The following ANK3 variants were observed in gnomAD, a reference collection of about 807,000 sequenced individuals.
ANK3 encodes the protein ankyrin-3.
In ANK3, 57 loss-of-function variants were observed where a neutral mutation model predicts 370.9. The ratio of observed to expected loss-of-function variants is 0.15; its 90% CI spans 0.12 to 0.19. The LOEUF (loss-of-function observed/expected upper bound fraction) is 0.19. Ranked by LOEUF, ANK3 falls within the 10% of genes least tolerant of loss-of-function variation. ANK3 has a pLI of 1.00. For synonymous variants in ANK3, 1,929 were observed against 1,946.3 expected (o/e 0.99, Z 0.23); for missense variants, 4,439 against 5,302.1 (o/e 0.84, Z 5.06).
At chr10:60,307,989 C>T (rs940914346) in intron 1 of ANK3, among the ~76,000 whole-genome samples, 10 of 152,166 alleles carry the variant, frequency 6.6e-5, no homozygotes, top group African/African-American at 2.2e-4. Flanking sequence ...CTTGTAGTAA[C>T]AAAATGTGCC....
chr10:60,311,957 T>C (rs143056067), intron 1 of ANK3, among the ~76,000 whole-genome samples: 1 of 152,332 alleles, frequency 6.6e-6, no homozygotes, highest in African/African-American at 2.4e-5. Context: ...TCCAGCCCTG[T>C]AGAATTTTAG....
At chr10:60,644,253 A>C (rs1158433152) in intron 1 of ANK3, among the ~76,000 whole-genome samples, 1 of 152,222 alleles carries the variant, frequency 6.6e-6, no homozygotes, top group Non-Finnish European at 1.5e-5. Flanking sequence ...AAGTGCCCAG[A>C]GAAAATAAGG....
At chr10:60,658,573 C>T (rs143388047) in intron 1 of ANK3, among the ~76,000 whole-genome samples, 10 of 152,096 alleles carry the variant, frequency 6.6e-5, no homozygotes, top group East Asian at 5.8e-4. Context: ...TTGTTTTAAG[C>T]GATTATAGCT....
chr10:60,684,248 G>C (rs960926816), intron 1 of ANK3, among the ~76,000 whole-genome samples: 3 of 152,218 alleles, frequency 2.0e-5, no homozygotes, highest in African/African-American at 4.8e-5. Context: ...GGTCTGTTGC[G>C]TGGAGCTGCC....
chr10:60,291,780 G>A (rs927531900), intron 1 of ANK3, among the ~76,000 whole-genome samples: 2 of 151,846 alleles, frequency 1.3e-5, no homozygotes, highest in Non-Finnish European at 2.9e-5. Flanking sequence ...CACCCAGGCT[G>A]GAGCTCACTG....
intron 2 of ANK3, among the ~76,000 whole-genome samples, chr10:60,580,805 G>C (rs934341740): frequency 1.3e-5 from 2 of 152,096 alleles, no homozygotes; most frequent in African/African-American, 4.8e-5. Context: ...CAGGGAATCT[G>C]GTCTAGCCCA....
Position 60,076,062 on chromosome 10 carries a change from C to G in ANK3, c.4819G>C (p.Glu1607Gln). 6.2e-7 allele frequency: 1 copy of G among 1,614,196 alleles called. No homozygotes were observed. Among genetic ancestry groups the G allele is most frequent in the Non-Finnish European group, 8.5e-7 (1 of 1,180,008 alleles). ...GCCAGCCCTTTTAAGGGCGTAGCTT[C>G]CGTGACTGCTGGAGCTCTAGCCAGG... is the stretch of plus-strand genomic sequence containing the variant. Reference protein sequence around the residue: ...GTLARAPAVTEATPLKGLASN... With the variant: ...GTLARAPAVTQATPLKGLASN... Residue 1607 changes from glutamate to glutamine, a missense_variant, in exon 37 of 44, where the codon GAA (glutamate) becomes CAA (glutamine). By Grantham distance (29) the Glu-to-Gln change is conservative. Around this residue, in one of 13 missense-constraint regions of ANK3, gnomAD observed 679 missense variants for 791.0 expected, o/e 0.86. Coordinates refer to ENST00000280772, the MANE Select transcript of ANK3 (RefSeq NM_020987.5).
chr10:60,460,085 C>T (rs1390343840), intron 2 of ANK3, among the ~76,000 whole-genome samples: 1 of 91,384 alleles, frequency 1.1e-5, no homozygotes, highest in African/African-American at 4.0e-5. Context: ...GCCTAGAACA[C>T]ACCACCAATT....
At chr10:60,572,633 G>C in intron 2 of ANK3, 2 of 1,480,566 alleles carry the variant, frequency 1.4e-6, no homozygotes, top group Non-Finnish European at 1.8e-6. Flanking sequence ...GTCCATTTAC[G>C]GGTGCTCCCC....
chr10:60,096,097 C>T (rs1435735579), intron 28 of ANK3, among the ~76,000 whole-genome samples: 3 of 152,062 alleles, frequency 2.0e-5, no homozygotes, highest in Admixed American at 6.6e-5. Flanking sequence ...CACTAGAACC[C>T]GGGAGGTGGA....
chr10:60,068,130 G>T (rs1311332464), intron 37 of ANK3, 121 bp from the exon 38 acceptor site: 15 of 811,240 alleles, frequency 1.8e-5, no homozygotes, highest in Non-Finnish European at 1.4e-5. Context: ...ACTGAAATGT[G>T]TCCTAGTCAC....
chr10:60,104,960 C>T (rs2091957670), intron 28 of ANK3, among the ~76,000 whole-genome samples: 3 of 152,194 alleles, frequency 2.0e-5, no homozygotes, highest in Admixed American at 6.5e-5. Flanking sequence ...GGTCATTCCT[C>T]AAGTACCCTA....
At chr10:60,078,676 C>A (rs750729945) in intron 36 of ANK3, among the ~76,000 whole-genome samples, 1 of 152,112 alleles carries the variant, frequency 6.6e-6, no homozygotes, top group Non-Finnish European at 1.5e-5. Context: ...TGTCAGGCAC[C>A]GAACTAATCC....
At chr10:60,422,237 T>C (rs1428215479) in intron 2 of ANK3, among the ~76,000 whole-genome samples, 1 of 152,146 alleles carries the variant, frequency 6.6e-6, no homozygotes, top group African/African-American at 2.4e-5. Flanking sequence ...AGATTACTAG[T>C]TACTAAAAAG....
intron 25 of ANK3, among the ~76,000 whole-genome samples, chr10:60,132,278 C>T (rs1330871240): frequency 3.3e-5 from 5 of 152,124 alleles, no homozygotes; most frequent in Admixed American, 2.0e-4. Flanking sequence ...TGTCCCCATC[C>T]AAATCTCATC....
intron 27 of ANK3, chr10:60,108,140 A>G: frequency 3.2e-6 from 1 of 314,844 alleles, no homozygotes; most frequent in South Asian, 2.6e-5. Context: ...TTGAAAATGG[A>G]AAAAAAAAAA....
chr10:60,393,769 A>G (rs1315988267), upstream of ANK3, among the ~76,000 whole-genome samples: 1 of 152,218 alleles, frequency 6.6e-6, no homozygotes, highest in Non-Finnish European at 1.5e-5. Context: ...CTGAGTTGAC[A>G]CACAAACTAA....
intron 2 of ANK3, among the ~76,000 whole-genome samples, chr10:60,414,315 T>C (rs1342918508): frequency 6.6e-6 from 1 of 152,164 alleles, no homozygotes; most frequent in East Asian, 1.9e-4. Flanking sequence ...CCAGAGCCTG[T>C]TGTGTTCAGC....
At chr10:60,109,372 C>T (rs546698108) in intron 26 of ANK3, among the ~76,000 whole-genome samples, 17 of 152,194 alleles carry the variant, frequency 1.1e-4, no homozygotes, top group Middle Eastern at 3.4e-3. Flanking sequence ...ACAGGATTCT[C>T]ATGCATTTAA....
Sources: gnomAD v4.1 joint callset for allele counts (sites outside exome capture counted in the v4.1 genomes callset) on GRCh38, gnomAD v4.1.1 for gene constraint, gnomAD v4.1.1 regional missense constraint, MANE v1.5 for transcripts, NCBI Gene and HGNC (gene_info 2026-07-23, HGNC 2026-07-21) for gene names.